The following PDE3B variants were observed in gnomAD, a reference collection of about 807,000 sequenced individuals.
PDE3B encodes the protein phosphodiesterase 3B.
In PDE3B, 66 loss-of-function variants were observed where a neutral mutation model predicts 116.8. The ratio of observed to expected loss-of-function variants is 0.56; its 90% confidence interval spans 0.46 to 0.69. The LOEUF (loss-of-function observed/expected upper bound fraction) is 0.69. PDE3B is among the 30% of genes least tolerant of loss of function. The probability of loss-of-function intolerance (pLI) is 0.00; values close to 1 mark genes in which losing one functional copy is unlikely to be tolerated. For synonymous variants in PDE3B, 595 were observed against 533.6 expected (o/e 1.12, Z -1.59); for missense variants, 1,384 against 1,368.1 (o/e 1.01, Z -0.18).
chr11:14,671,416 G>T (rs868634915), intron 1 of PDE3B, among the ~76,000 whole-genome samples: 1 of 152,070 alleles, frequency 6.6e-6, no homozygotes, highest in Non-Finnish European at 1.5e-5. Context: ...TGACATGCTT[G>T]TTAGAAAGCA....
rs1200077131 is a variant in PDE3B at position 14,831,789 on chromosome 11, A to G, written c.2094+12A>G. 6.3e-7 allele frequency: 1 copy of G among 1,578,732 alleles called. No homozygotes were observed. Among genetic ancestry groups the G allele is most frequent in the African/African-American group, 1.4e-5 (1 of 73,576 alleles). The stretch of plus-strand genomic sequence containing the variant: ...GGATTCTCAGTCAGGTTTGCTTTCA[A>G]ATATCTACTTTTTAACTGTAAATTA... On this transcript the variant is annotated intron_variant, in intron 9 of 15. Coordinates refer to ENST00000282096, the MANE Select transcript of PDE3B (RefSeq NM_000922.4).
At chr11:14,739,698 C>T (rs930263341) in intron 1 of PDE3B, among the ~76,000 whole-genome samples, 1 of 152,220 alleles carries the variant, frequency 6.6e-6, no homozygotes, top group African/African-American at 2.4e-5. Flanking sequence ...AAATGGAATG[C>T]TTCCAGTTTT....
At chr11:14,662,318 C>G (rs539446063) in intron 1 of PDE3B, among the ~76,000 whole-genome samples, 1 of 152,292 alleles carries the variant, frequency 6.6e-6, no homozygotes, top group Admixed American at 6.5e-5. Flanking sequence ...ACATCACCAT[C>G]ATCAAAGACC....
At chr11:14,748,207 G>T (rs539008210) in intron 1 of PDE3B, among the ~76,000 whole-genome samples, 3 of 152,286 alleles carry the variant, frequency 2.0e-5, no homozygotes, top group African/African-American at 7.2e-5. Context: ...GATTACTTCA[G>T]ATCTTATTAC....
At chr11:14,722,344 A>C (rs1460896077) in intron 1 of PDE3B, among the ~76,000 whole-genome samples, 2 of 152,200 alleles carry the variant, frequency 1.3e-5, no homozygotes, top group East Asian at 1.9e-4. Context: ...AATCTAGGAA[A>C]GTCTAGTCGA....
chr11:14,859,128 A>G lies in PDE3B; in HGVS notation c.2606A>G (p.Asn869Ser). 1 of 1,613,464 alleles carries G rather than the reference A, an allele frequency of 6.2e-7. No individual in the cohort carries two copies. Among genetic ancestry groups the G allele is most frequent in the South Asian group, 1.1e-5 (1 of 91,030 alleles). The stretch of plus-strand genomic sequence containing the variant: ...CTATATCTTTCTCGCCCAGAATACA[A>G]CTTCCTTCTTCATCTTGATCATGTG... Reference protein sequence around the residue: ...WNLYLSRPEYNFLLHLDHVEF... With the variant: ...WNLYLSRPEYSFLLHLDHVEF... Residue 869 changes from asparagine (N) to serine (S), a missense_variant, in exon 13 of 16, where the codon AAC (asparagine) becomes AGC (serine). Transcript: ENST00000282096.
chr11:14,795,956 A>G (rs1299840381), intron 4 of PDE3B, among the ~76,000 whole-genome samples: 2 of 152,096 alleles, frequency 1.3e-5, no homozygotes, highest in African/African-American at 2.4e-5. Context: ...TACACGTGCC[A>G]TGGTGGTTCA....
At chr11:14,869,438 T>C (rs368277991) in intron 15 of PDE3B, 23 bp from the exon 16 acceptor site, 43 of 1,590,584 alleles carry the variant, frequency 2.7e-5, no homozygotes, top group Non-Finnish European at 3.6e-5. Context: ...ATGATTAGAA[T>C]ATATTTATTT....
chr11:14,667,305 G>C (rs1228194646), intron 1 of PDE3B, among the ~76,000 whole-genome samples: 1 of 150,362 alleles, frequency 6.7e-6, no homozygotes, highest in Non-Finnish European at 1.5e-5. Context: ...GAGTGGGGAG[G>C]GATAGCATTA....
intron 2 of PDE3B, among the ~76,000 whole-genome samples, chr11:14,778,947 A>C (rs1243215942): frequency 6.6e-6 from 1 of 152,190 alleles, no homozygotes; most frequent in Non-Finnish European, 1.5e-5. Context: ...CGAATGGCTA[A>C]CTAAAATAAA....
chr11:14,873,250 C>T (rs1361023031), downstream of PDE3B, among the ~76,000 whole-genome samples: 1 of 152,198 alleles, frequency 6.6e-6, no homozygotes, highest in Non-Finnish European at 1.5e-5. Context: ...CACTGTTCTG[C>T]CATTACCCAG....
intron 1 of PDE3B, among the ~76,000 whole-genome samples, chr11:14,711,631 A>G (rs765806344): frequency 6.6e-6 from 1 of 152,152 alleles, no homozygotes; most frequent in Non-Finnish European, 1.5e-5. Context: ...GAACTCACTC[A>G]TTATTGCAAG....
the PDE3B span, chr11:14,887,449 CT>C: frequency 1.5e-5 from 5 of 335,524 alleles, no homozygotes; most frequent in Non-Finnish European, 2.1e-5. Context: ...TTTTCAAGGA[CT>C]TTTGGTAAAG....
chr11:14,686,050 A>G (rs1192309883), intron 1 of PDE3B, among the ~76,000 whole-genome samples: 2 of 152,220 alleles, frequency 1.3e-5, no homozygotes, highest in Non-Finnish European at 2.9e-5. Context: ...CATGCTTTAA[A>G]TGTTGAAGTT....
chr11:14,757,652 G>T (rs7941356), intron 1 of PDE3B, among the ~76,000 whole-genome samples: 1,269 of 32,600 alleles, frequency 0.039, 184 homozygotes, highest in Middle Eastern at 0.068. Context: ...ATGGGGTTGT[G>T]TGTTTTTTTC....
chr11:14,850,994 T>TC (rs908489833), intron 12 of PDE3B, among the ~76,000 whole-genome samples: 1 of 150,728 alleles, frequency 6.6e-6, no homozygotes, highest in Non-Finnish European at 1.5e-5. Flanking sequence ...TTTTTTTTTT[T>TC]TTTTTTTTTT....
chr11:14,749,199 C>A (rs1856992527), intron 1 of PDE3B, among the ~76,000 whole-genome samples: 1 of 152,116 alleles, frequency 6.6e-6, no homozygotes, highest in Middle Eastern at 3.4e-3. Context: ...CAAGAACTTT[C>A]TATTTTTGTA....
intron 5 of PDE3B, among the ~76,000 whole-genome samples, chr11:14,810,482 A>G (rs1450680966): frequency 6.6e-6 from 1 of 151,870 alleles, no homozygotes; most frequent in East Asian, 1.9e-4. Context: ...CCATGTCCCT[A>G]CAAAGGACAT....
chr11:14,867,857 T>C, intron 15 of PDE3B, 99 bp downstream of exon 15: 1 of 993,472 alleles, frequency 1.0e-6, no homozygotes, highest in East Asian at 2.6e-5. Context: ...CCAAAATTTT[T>C]TGAGTGCCAG....
Sources: gnomAD v4.1 joint callset for allele counts (sites outside exome capture counted in the v4.1 genomes callset) on GRCh38, gnomAD v4.1.1 for gene constraint, MANE v1.5 for transcripts, NCBI Gene and HGNC (gene_info 2026-07-23, HGNC 2026-07-21) for gene names.